RALGDS: variants seen among roughly 807,000 people sequenced by gnomAD.
RALGDS encodes the protein ral guanine nucleotide dissociation stimulator.
In RALGDS, 44 loss-of-function variants were observed where a neutral mutation model predicts 99.8. That is an observed-to-expected ratio of 0.44 (90% CI 0.35 to 0.57). The LOEUF (loss-of-function observed/expected upper bound fraction) is 0.57. RALGDS is among the 20% of genes least tolerant of loss of function. RALGDS has a pLI of 0.01. For synonymous variants in RALGDS, 529 were observed against 505.0 expected (o/e 1.05, Z -0.64); for missense variants, 1,022 against 1,203.1 (o/e 0.85, Z 2.23).
intron 17 of RALGDS, 121 bp from the exon 18 acceptor site, chr9:133,098,883 A>C: frequency 1.0e-6 from 1 of 952,766 alleles, no homozygotes; most frequent in Non-Finnish European, 1.6e-6. Context: ...CCCCTCCAAT[A>C]CAGCTCCAGA....
At chr9:133,124,692 G>A (rs566281197), upstream of RALGDS, among the ~76,000 whole-genome samples, 1 of 152,348 alleles carries the variant, frequency 6.6e-6, no homozygotes, top group South Asian at 2.1e-4. Flanking sequence ...GATCGGGCGG[G>A]CCTGACTCTG....
At chr9:133,135,143 C>T (rs1177692428), upstream of RALGDS, among the ~76,000 whole-genome samples, 1 of 152,180 alleles carries the variant, frequency 6.6e-6, no homozygotes, top group Non-Finnish European at 1.5e-5. Context: ...GAAGGCTACA[C>T]ACCCCAGTGG....
chr9:133,102,937 C>A (rs752822341), intron 12 of RALGDS, 37 bp from the exon 13 acceptor site: 3 of 1,610,522 alleles, frequency 1.9e-6, no homozygotes, highest in Non-Finnish European at 2.5e-6. Flanking sequence ...GTGACAAGGC[C>A]CCCCGGGCAG....
chr9:133,129,454 T>C, intron 1 of RALGDS: 1 of 1,384,974 alleles, frequency 7.2e-7, no homozygotes, highest in Non-Finnish European at 9.3e-7. Context: ...TCATACCTGC[T>C]GCTGTGACAG....
chr9:133,100,703 C>G, intron 16 of RALGDS: 1 of 1,237,884 alleles, frequency 8.1e-7, no homozygotes, highest in Non-Finnish European at 1.0e-6. Flanking sequence ...AGGATAACAG[C>G]ATCACTGAGC....
Position 133,098,490 on chromosome 9 carries a change from CTGGG to C in RALGDS, c.*93_*96del. 7.7e-7 allele frequency: 1 copy of C among 1,304,240 alleles called. No homozygotes were observed. The highest frequency in any genetic ancestry group is 1.2e-5 in the South Asian group (1 of 81,386). The allele number at this position is 1,304,240 out of a possible 1,614,324, so 80.8% of individuals were successfully genotyped here. ...GGATGAAACTGGAGTCTGGGGTACCCTGGGCTGGCAGGTGGGAGGAAGGCGCCCA... is the reference window on the plus strand; with the variant it reads ...GGATGAAACTGGAGTCTGGGGTACCCCTGGCAGGTGGGAGGAAGGCGCCCA... On this transcript the variant is annotated 3_prime_UTR_variant, in exon 18 of 18. Transcript: ENST00000372050.
At chr9:133,134,090 C>G (rs117774460), upstream of RALGDS, among the ~76,000 whole-genome samples, 1,285 of 152,336 alleles carry the variant, frequency 8.4e-3, 9 homozygotes, top group Non-Finnish European at 0.013. Context: ...CTCCCCTCCC[C>G]CTGGCTTCTG....
upstream of RALGDS, among the ~76,000 whole-genome samples, chr9:133,122,801 G>A (rs958281638): frequency 2.0e-5 from 3 of 152,106 alleles, no homozygotes; most frequent in Non-Finnish European, 4.4e-5. Context: ...GCCTCTTGGG[G>A]TCAAGTGATT....
intron 9 of RALGDS, 26 bp downstream of exon 9, chr9:133,105,906 C>CCCGCCCCAGCCTCCGCCCCAGCCT (rs758664571): frequency 1.2e-6 from 1 of 822,462 alleles, no homozygotes; most frequent in East Asian, 4.1e-5. Context: ...CGCCCCAGCC[C>CCCGCCCCAGCCTCCGCCCCAGCCT]CCGCCCCAGC....
intron 1 of RALGDS, among the ~76,000 whole-genome samples, chr9:133,136,947 A>T (rs1279762545): frequency 6.6e-6 from 1 of 151,640 alleles, no homozygotes; most frequent in African/African-American, 2.4e-5. Flanking sequence ...TCAAAAAACG[A>T]AACAAGGCTG....
Position 133,108,422 on chromosome 9 carries a change from A to T in RALGDS, c.779-16T>A. 6.5e-7 allele frequency: 1 copy of T among 1,533,840 alleles called. No individual in the cohort carries two copies. The highest frequency in any genetic ancestry group is 8.7e-7 in the Non-Finnish European group (1 of 1,144,862). ...GGTGACAGAGCTGCAAGAGGAGAAA[A>T]GTTCAACAACATGCCAGCCTTTCCT... On this transcript the variant is annotated splice_polypyrimidine_tract_variant and intron_variant, in intron 5 of 17. Transcript: ENST00000372050.
Position 133,098,738 on chromosome 9 carries a change from T to C in RALGDS, c.2594A>G (p.Asn865Ser). ...DRKLKIPENA[N>S]VFYAMNSTAN... Reference sequence around the variant, plus strand: ...GGTAGAGTTCATGGCATAGAAGACGTTGGCGTTTTCAGGGATCTTCAGCTC... The same window carrying C: ...GGTAGAGTTCATGGCATAGAAGACGCTGGCGTTTTCAGGGATCTTCAGCTC... Residue 865 changes from asparagine (N) to serine (S), a missense_variant, in exon 18 of 18, where the codon AAC becomes AGC. Asn to Ser is a conservative substitution (Grantham distance 46, BLOSUM62 1). This residue lies in a region of RALGDS where 825 missense variants were observed against 994.5 expected (regional missense o/e 0.83). Transcript: ENST00000372050. The C allele has an allele frequency of 2.5e-6, 4 of 1,614,002 alleles. No individual in the cohort carries two copies. Among genetic ancestry groups the C allele is most frequent in the East Asian group, 2.2e-5 (1 of 44,854 alleles).
At chr9:133,118,816 T>A (rs899545104) in intron 1 of RALGDS, among the ~76,000 whole-genome samples, 5 of 152,194 alleles carry the variant, frequency 3.3e-5, no homozygotes, top group African/African-American at 1.2e-4. Flanking sequence ...CATGCTTAAA[T>A]CCTGGCTGCG....
At chr9:133,125,120 G>A (rs190826429), upstream of RALGDS, among the ~76,000 whole-genome samples, 5 of 152,254 alleles carry the variant, frequency 3.3e-5, no homozygotes, top group African/African-American at 1.2e-4. Flanking sequence ...TTTGGATCAT[G>A]ATGTCAGCAA....
chr9:133,116,750 T>C (rs1384877272), intron 1 of RALGDS, among the ~76,000 whole-genome samples: 1 of 152,216 alleles, frequency 6.6e-6, no homozygotes, highest in Non-Finnish European at 1.5e-5. Flanking sequence ...CCCTGCCTGA[T>C]GGACAAGGAA....
At chr9:133,139,133 C>T (rs1158329795) in intron 1 of RALGDS, among the ~76,000 whole-genome samples, 2 of 152,200 alleles carry the variant, frequency 1.3e-5, no homozygotes, top group African/African-American at 4.8e-5. Flanking sequence ...CAGGGTCACC[C>T]AAAGGCAGAG....
Position 133,115,911 on chromosome 9 carries a change from G to A in RALGDS, c.184-3759C>T, listed in dbSNP as rs539964071. Among the ~76,000 whole-genome samples the A allele has an allele frequency of 2.4e-4, 36 of 152,370 alleles. No individual in the cohort carries two copies. The South Asian group carries it at 6.4e-3, about 27-fold the overall frequency. ...CCAATACAGAAGCCAAACGTAAAAC[G>A]CATCACAGAAGGCTGCTCGCTCTCT... On this transcript the variant is annotated intron_variant, in intron 1 of 17. Transcript: ENST00000372050.
At chr9:133,110,162 A>C in intron 3 of RALGDS, 134 bp downstream of exon 3, 1 of 948,236 alleles carries the variant, frequency 1.1e-6, no homozygotes, top group Non-Finnish European at 1.6e-6. Flanking sequence ...AGGTCCTCTT[A>C]GCACTCCAGT....
rs1056663051 is a variant in RALGDS, at chr9:133,131,016, G to A, written c.68C>T (p.Ser23Phe). The stretch of plus-strand genomic sequence containing the variant: ...CTGCAAGTGGAGGGCACAGGGCAGG[G>A]AGCAGAACAGCAGAGGCGGGGAGGA... The change falls in exon 1 of 18, where the codon TCC (serine) becomes TTC (phenylalanine). Residue 23 changes from serine (S) to phenylalanine (F), a missense_variant. Transcript: ENST00000372062. The A allele has an allele frequency of 3.0e-5, 46 of 1,535,296 alleles. No individual in the cohort carries two copies. The Admixed American group carries it at 8.8e-4, about 29-fold the overall frequency.
Sources: gnomAD v4.1 joint callset for allele counts (sites outside exome capture counted in the v4.1 genomes callset) on GRCh38, gnomAD v4.1.1 for gene constraint, gnomAD v4.1.1 regional missense constraint, MANE v1.5 for transcripts, NCBI Gene and HGNC (gene_info 2026-07-23, HGNC 2026-07-21) for gene names.